EYS: variants seen among roughly 807,000 people sequenced by gnomAD.
EYS encodes protein eyes shut homolog.
In EYS, 250 loss-of-function variants were observed where a neutral mutation model predicts 282.1. The ratio of observed to expected loss-of-function variants is 0.89; its 90% CI spans 0.80 to 0.98. EYS has a LOEUF of 0.98. Among genes scored for constraint, EYS ranks in the 50% least tolerant of loss-of-function variants. The probability of loss-of-function intolerance (pLI) is 0.00; values close to 1 mark genes in which losing one functional copy is unlikely to be tolerated. For synonymous variants in EYS, 1,355 were observed against 1,282.9 expected, an observed-to-expected ratio of 1.06 and a Z score of -1.20; for missense variants, 4,016 against 3,709.0, an observed-to-expected ratio of 1.08 and a Z score of -2.15.
At chr6:65,122,682 T>A (rs568275247) in intron 12 of EYS, among the ~76,000 whole-genome samples, 1 of 152,250 alleles carries the variant, frequency 6.6e-6, no homozygotes, top group African/African-American at 2.4e-5. Flanking sequence ...ATTAAACATT[T>A]ATTGAAGTTA....
intron 12 of EYS, among the ~76,000 whole-genome samples, chr6:65,189,772 C>T (rs1765598681): frequency 6.6e-6 from 1 of 151,752 alleles, no homozygotes; most frequent in African/African-American, 2.4e-5. Flanking sequence ...GTAGCCTCAT[C>T]ATTCCTGAAC....
At chr6:64,278,505 T>TC (rs1372530928) in intron 30 of EYS, among the ~76,000 whole-genome samples, 2 of 152,174 alleles carry the variant, frequency 1.3e-5, no homozygotes, top group Non-Finnish European at 2.9e-5. Flanking sequence ...ATAAGAAACT[T>TC]CTTTGGGTCC....
At chr6:64,664,137 G>T (rs985520357) in intron 22 of EYS, among the ~76,000 whole-genome samples, 1 of 152,216 alleles carries the variant, frequency 6.6e-6, no homozygotes, top group Non-Finnish European at 1.5e-5. Context: ...ACATGGACCA[G>T]CAGAGTATGC....
intron 22 of EYS, among the ~76,000 whole-genome samples, chr6:64,670,440 A>T (rs1053923612): frequency 1.5e-5 from 2 of 135,102 alleles, no homozygotes; most frequent in Non-Finnish European, 3.2e-5. Context: ...TAAATAAATA[A>T]ATAAATGAAA....
chr6:65,178,231 C>G (rs1032368454), intron 12 of EYS, among the ~76,000 whole-genome samples: 2 of 151,930 alleles, frequency 1.3e-5, no homozygotes, highest in Non-Finnish European at 2.9e-5. Context: ...TCTTTGCAGA[C>G]AGCAGAGAGC....
chr6:63,969,150 C>G (rs1766439471), intron 35 of EYS, among the ~76,000 whole-genome samples: 1 of 152,072 alleles, frequency 6.6e-6, no homozygotes, highest in Non-Finnish European at 1.5e-5. Flanking sequence ...CCTCATCCCC[C>G]CCTTAAGCTT....
chr6:63,923,173 A>G (rs1041505606), intron 35 of EYS, among the ~76,000 whole-genome samples: 17 of 152,310 alleles, frequency 1.1e-4, no homozygotes, highest in Middle Eastern at 3.4e-3. Context: ...TATTAATTGT[A>G]CTTTTATTTT....
intron 12 of EYS, among the ~76,000 whole-genome samples, chr6:65,124,047 A>G (rs2150197930): frequency 6.6e-6 from 1 of 152,062 alleles, no homozygotes; most frequent in South Asian, 2.1e-4. Flanking sequence ...GGTGGCATGC[A>G]CCTGTGGTCC....
chr6:64,502,969 T>C (rs770105139), intron 26 of EYS, among the ~76,000 whole-genome samples: 12 of 152,224 alleles, frequency 7.9e-5, no homozygotes, highest in Non-Finnish European at 1.0e-4. Context: ...AACGAACTGA[T>C]AGTTTTTAGA....
chr6:65,567,750 T>C (rs1044337086), intron 2 of EYS, among the ~76,000 whole-genome samples: 6 of 152,184 alleles, frequency 3.9e-5, no homozygotes, highest in Non-Finnish European at 7.3e-5. Context: ...TTTATAGTTA[T>C]GCAGGGTTTT....
At chr6:65,187,129 A>T (rs1765534486) in intron 12 of EYS, among the ~76,000 whole-genome samples, 1 of 151,900 alleles carries the variant, frequency 6.6e-6, no homozygotes, top group Admixed American at 6.6e-5. Context: ...CATTCTTTAT[A>T]GTTTAAATTG....
At chr6:65,187,621 G>T (rs1765544862) in intron 12 of EYS, among the ~76,000 whole-genome samples, 1 of 151,578 alleles carries the variant, frequency 6.6e-6, no homozygotes, top group African/African-American at 2.4e-5. Context: ...AGTGTTGTCA[G>T]TTAAGCAAGT....
intron 22 of EYS, among the ~76,000 whole-genome samples, chr6:64,726,645 C>A (rs1583084197): frequency 6.6e-6 from 1 of 152,006 alleles, no homozygotes; most frequent in African/African-American, 2.4e-5. Flanking sequence ...ACTAATTCAA[C>A]CAGAAAAGTC....
At chr6:65,148,573 C>T (rs1292057275) in intron 12 of EYS, among the ~76,000 whole-genome samples, 2 of 152,036 alleles carry the variant, frequency 1.3e-5, no homozygotes, top group Admixed American at 1.3e-4. Flanking sequence ...TTTCTGGGTA[C>T]ATGGTGTAAG....
chr6:64,226,209 GT>G (rs1766248836), intron 31 of EYS, among the ~76,000 whole-genome samples: 1 of 152,034 alleles, frequency 6.6e-6, no homozygotes, highest in African/African-American at 2.4e-5. Context: ...ATATATTCCA[GT>G]TATGGCAAAG....
rs962594601 is a variant in EYS, at chr6:64,996,854, T to C, written c.2259+728A>G. Among the ~76,000 whole-genome samples the C allele has an allele frequency of 1.3e-5, 2 of 152,222 alleles. 1 individual carries two copies. Among genetic ancestry groups the C allele is most frequent in the Non-Finnish European group, 2.9e-5 (2 of 68,032 alleles). On this transcript the variant is annotated intron_variant, in intron 14 of 42. Coordinates refer to ENST00000503581, the MANE Select transcript of EYS (RefSeq NM_001142800.2). ...CTTTGTTTTCTAACTTCAACAAGTA[T>C]AGTCTTCTTGCAAATATCAGTTCTG...
chr6:64,345,071 C>T (rs573551702), intron 29 of EYS, among the ~76,000 whole-genome samples: 1 of 152,116 alleles, frequency 6.6e-6, no homozygotes, highest in Non-Finnish European at 1.5e-5. Flanking sequence ...AATGGAAGAA[C>T]ATTCCATGCT....
intron 22 of EYS, among the ~76,000 whole-genome samples, chr6:64,687,227 T>A (rs1421442638): frequency 6.6e-6 from 1 of 151,920 alleles, no homozygotes; most frequent in Non-Finnish European, 1.5e-5. Context: ...ATCTGACAAA[T>A]ATATTTTAAG....
At chr6:65,546,707 G>T (rs1768404447) in intron 2 of EYS, among the ~76,000 whole-genome samples, 3 of 152,022 alleles carry the variant, frequency 2.0e-5, no homozygotes, top group Admixed American at 1.3e-4. Context: ...GAGTAACTGG[G>T]ATTACAGGCG....
Sources: gnomAD v4.1 joint callset for allele counts (sites outside exome capture counted in the v4.1 genomes callset) on GRCh38, gnomAD v4.1.1 for gene constraint, MANE v1.5 for transcripts, NCBI Gene and HGNC (gene_info 2026-07-23, HGNC 2026-07-21) for gene names.